PCDHA3: variants seen among roughly 807,000 people sequenced by gnomAD.
PCDHA3 encodes the protein protocadherin alpha 3.
Under a neutral mutation model 62.2 loss-of-function variants are expected in PCDHA3, and 41 were observed. That is an observed-to-expected ratio of 0.66 (90% CI 0.51 to 0.86). The LOEUF (loss-of-function observed/expected upper bound fraction) is 0.86, where lower values mean the gene tolerates loss of function less well. Among genes scored for constraint, PCDHA3 ranks in the 40% least tolerant of loss-of-function variants. PCDHA3 has a pLI of 0.00. For missense variants in PCDHA3, 1,304 were observed against 1,241.2 expected, an observed-to-expected ratio of 1.05 and a Z score of -0.76; for synonymous variants, 640 against 555.4, an observed-to-expected ratio of 1.15 and a Z score of -2.14.
In PCDHA3 at chr5:140,849,843, G is replaced by A. The variant is rs2150453087; in HGVS notation, c.2394+46252G>A. 8 of 1,598,500 alleles carry A rather than the reference G, an allele frequency of 5.0e-6. 1 individual carries two copies. The highest frequency in any genetic ancestry group is 3.3e-5 in the South Asian group (3 of 90,550). On this transcript the variant is annotated intron_variant, in intron 1 of 3. Transcript: ENST00000522353. Reference sequence around the variant, plus strand: ...GTCTGTGGAGGTGGCCGACGTGAACGACAACGCACCAGCGTTCGCGCAGTC... The same window carrying A: ...GTCTGTGGAGGTGGCCGACGTGAACAACAACGCACCAGCGTTCGCGCAGTC...
chr5:140,944,206 T>C (rs1291391135), intron 1 of PCDHA3, among the ~76,000 whole-genome samples: 1 of 152,156 alleles, frequency 6.6e-6, no homozygotes, highest in Non-Finnish European at 1.5e-5. Context: ...GTTTTGTTTT[T>C]AAAGAGGGTT....
intron 1 of PCDHA3, chr5:140,862,681 G>T: frequency 1.8e-6 from 1 of 551,660 alleles, no homozygotes. Context: ...GAACGTGCTG[G>T]TGTCCTACTC....
intron 1 of PCDHA3, among the ~76,000 whole-genome samples, chr5:140,845,069 G>A (rs1323503087): frequency 6.7e-6 from 1 of 149,464 alleles, no homozygotes; most frequent in Non-Finnish European, 1.5e-5. Context: ...CCTCAAAGCA[G>A]CATTGTTTTG....
At chr5:140,885,297 T>G (rs565705321) in intron 1 of PCDHA3, among the ~76,000 whole-genome samples, 30 of 152,302 alleles carry the variant, frequency 2.0e-4, no homozygotes, top group Admixed American at 5.9e-4. Context: ...GAGAGAGACC[T>G]GGTAGGCTTT....
intron 1 of PCDHA3, chr5:140,869,211 G>A (rs375218342): frequency 1.2e-6 from 2 of 1,613,956 alleles, no homozygotes; most frequent in Admixed American, 1.7e-5. Flanking sequence ...ACTCCGTCTC[G>A]GAGGAGGCCA....
At chr5:140,845,037 C>T (rs1189014695) in intron 1 of PCDHA3, among the ~76,000 whole-genome samples, 2 of 149,024 alleles carry the variant, frequency 1.3e-5, no homozygotes, top group Non-Finnish European at 3.0e-5. Flanking sequence ...ATATTTTAGC[C>T]CCCTTGTCCA....
chr5:140,871,061 A>T, intron 1 of PCDHA3: 1 of 1,613,200 alleles, frequency 6.2e-7, no homozygotes, highest in South Asian at 1.1e-5. Flanking sequence ...GTGAAGGATC[A>T]CGGTGAGCCG....
chr5:140,955,867 C>T (rs1208648426), intron 1 of PCDHA3, among the ~76,000 whole-genome samples: 1 of 152,136 alleles, frequency 6.6e-6, no homozygotes, highest in Non-Finnish European at 1.5e-5. Context: ...CTTCACTTCC[C>T]TTTTTAGCTG....
chr5:140,935,057 G>A (rs2090168860), intron 1 of PCDHA3, among the ~76,000 whole-genome samples: 1 of 152,034 alleles, frequency 6.6e-6, no homozygotes, highest in Non-Finnish European at 1.5e-5. Flanking sequence ...ATTACAAGAT[G>A]TTCAGATTAT....
chr5:140,822,161 C>A, intron 1 of PCDHA3: 1 of 1,614,240 alleles, frequency 6.2e-7, no homozygotes, highest in Non-Finnish European at 8.5e-7. Context: ...AATGACAATC[C>A]GCCCAGGTTC....
chr5:141,006,350 T>G (rs1254086807), intron 3 of PCDHA3, among the ~76,000 whole-genome samples: 2 of 152,086 alleles, frequency 1.3e-5, no homozygotes, highest in Non-Finnish European at 2.9e-5. Flanking sequence ...TAGCTGGGAC[T>G]ATAGGCGCCC....
chr5:140,843,294 C>T lies in PCDHA3; in HGVS notation c.2394+39703C>T, dbSNP rs2150356676. 4 of 1,595,870 alleles carry T rather than the reference C, an allele frequency of 2.5e-6. No homozygotes were observed. Among genetic ancestry groups the T allele is most frequent in the East Asian group, 4.5e-5 (2 of 44,826 alleles). ...CTGGTGAAGGATCATGGTGAACCTG[C>T]GCTGACCGCCACGGCCACGGTTCTG... On this transcript the variant is annotated intron_variant, in intron 1 of 3. Transcript: ENST00000522353.
chr5:140,836,651 G>A (rs1774653437), intron 1 of PCDHA3: 1 of 1,613,546 alleles, frequency 6.2e-7, no homozygotes, highest in East Asian at 2.2e-5. Flanking sequence ...AGAGGCGGCA[G>A]AGGGTGTGCT....
intron 1 of PCDHA3, among the ~76,000 whole-genome samples, chr5:140,880,368 T>G (rs1372331901): frequency 6.6e-6 from 1 of 152,170 alleles, no homozygotes; most frequent in African/African-American, 2.4e-5. Context: ...ATGAAAACCA[T>G]GAGAGAATAG....
intron 2 of PCDHA3, among the ~76,000 whole-genome samples, chr5:140,981,648 C>T (rs1294806137): frequency 6.6e-6 from 1 of 152,020 alleles, no homozygotes; most frequent in Non-Finnish European, 1.5e-5. Context: ...TCTTAGGATC[C>T]CACTTATTTC....
At chr5:140,993,463 CACACACACACACACACACA>C (rs1563592092) in intron 3 of PCDHA3, among the ~76,000 whole-genome samples, 163 of 7,580 alleles carry the variant, frequency 0.022, 1 homozygote, top group African/African-American at 0.091. Context: ...CTTTCTTTCT[CACACACACACACACACACA>C]CACACACACA....
intron 1 of PCDHA3, chr5:140,966,860 T>C (rs1586162562): frequency 3.2e-6 from 5 of 1,577,484 alleles, no homozygotes; most frequent in East Asian, 2.3e-5. Context: ...CCTGCTGCTG[T>C]TGCTGCTGCT....
In PCDHA3 at chr5:140,887,671, A is replaced by G. The variant is rs1417615702; in HGVS notation, c.2394+84080A>G. Among the ~76,000 whole-genome samples, 4 of 152,008 alleles carry G rather than the reference A, an allele frequency of 2.6e-5. No homozygotes were observed. In the East Asian group the frequency reaches 7.7e-4, roughly 29 times the overall value. The stretch of plus-strand genomic sequence containing the variant: ...ATATTCTTGGATCTGTGGATTTATC[A>G]TTTTCATCAAATTCAGGAAAAAATC... On this transcript the variant is annotated intron_variant, in intron 1 of 3. Transcript: ENST00000522353.
intron 1 of PCDHA3, among the ~76,000 whole-genome samples, chr5:140,899,342 C>T (rs1317774028): frequency 6.6e-6 from 1 of 152,044 alleles, no homozygotes; most frequent in African/African-American, 2.4e-5. Context: ...ATAGATAGCT[C>T]TTATTATTTT....
Sources: gnomAD v4.1 joint callset for allele counts (sites outside exome capture counted in the v4.1 genomes callset) on GRCh38, gnomAD v4.1.1 for gene constraint, MANE v1.5 for transcripts, NCBI Gene and HGNC (gene_info 2026-07-23, HGNC 2026-07-21) for gene names.